The following DYNC1I1 variants were observed in gnomAD, a reference collection of about 807,000 sequenced individuals.
The protein encoded by DYNC1I1 is dynein cytoplasmic 1 intermediate chain 1, also known as cytoplasmic dynein 1 intermediate chain 1.
Under a neutral mutation model 86.6 loss-of-function variants are expected in DYNC1I1, and 43 were observed. The observed-to-expected ratio is 0.50, with a 90% CI of 0.39 to 0.64. The LOEUF is 0.64. Among genes scored for constraint, DYNC1I1 ranks in the 30% least tolerant of loss-of-function variants. The pLI is 0.00. For synonymous variants in DYNC1I1, 262 were observed against 283.7 expected, an observed-to-expected ratio of 0.92 and a Z score of 0.77; for missense variants, 604 against 788.8, an observed-to-expected ratio of 0.77 and a Z score of 2.81.
chr7:95,964,381 C>A lies in DYNC1I1; in HGVS notation c.491-13131C>A, dbSNP rs73708409. 9.1e-3 allele frequency among the ~76,000 whole-genome samples: 1,384 copies of A among 152,230 alleles called. 21 individuals carry two copies. The highest frequency in any genetic ancestry group is 0.031 in the African/African-American group (1,305 of 41,550). On this transcript the variant is annotated intron_variant, in intron 6 of 16. Coordinates refer to ENST00000447467, the MANE Select transcript of DYNC1I1 (RefSeq NM_001135556.2). ...GGTGGGCATGAGGCAGGGGGATGTCCTGATTTCCATCATAGAATCTGCCAT... is the reference window on the plus strand; with the variant it reads ...GGTGGGCATGAGGCAGGGGGATGTCATGATTTCCATCATAGAATCTGCCAT...
intron 6 of DYNC1I1, among the ~76,000 whole-genome samples, chr7:95,900,255 C>G (rs924236445): frequency 3.3e-5 from 5 of 152,164 alleles, no homozygotes; most frequent in African/African-American, 1.2e-4. Flanking sequence ...TTAATTCTTA[C>G]TTCCTTCTTG....
At position 95,843,916 on chromosome 7, in the gene DYNC1I1, G is replaced by A. The variant is rs1009217843; in HGVS notation, c.374+15800G>A. The stretch of plus-strand genomic sequence containing the variant: ...AAGTTAAAGGATCACAGGAGAGAAA[G>A]AACTAATATAGCTTGGAAGTGAATA... On this transcript the variant is annotated intron_variant, in intron 5 of 16. Transcript: ENST00000447467. Among the ~76,000 whole-genome samples the A allele has an allele frequency of 3.9e-5, 6 of 152,286 alleles. No homozygotes were observed. The South Asian group carries it at 6.2e-4, about 16-fold the overall frequency.
intron 14 of DYNC1I1, among the ~76,000 whole-genome samples, chr7:96,068,127 G>C (rs1233988131): frequency 6.6e-6 from 1 of 152,070 alleles, no homozygotes; most frequent in East Asian, 1.9e-4. Flanking sequence ...ATTAATACTA[G>C]ACTATTTTCC....
intron 6 of DYNC1I1, among the ~76,000 whole-genome samples, chr7:95,957,460 G>A (rs1485327554): frequency 6.6e-6 from 1 of 152,080 alleles, no homozygotes; most frequent in Non-Finnish European, 1.5e-5. Flanking sequence ...TCCTCCTGCT[G>A]CTGCTGCTGC....
At chr7:96,085,901 T>G (rs1790665049) in intron 16 of DYNC1I1, among the ~76,000 whole-genome samples, 1 of 152,098 alleles carries the variant, frequency 6.6e-6, no homozygotes, top group Admixed American at 6.5e-5. Context: ...AATTAACTAT[T>G]AATATACCTG....
intron 5 of DYNC1I1, among the ~76,000 whole-genome samples, chr7:95,840,637 G>C (rs1312169467): frequency 6.6e-6 from 1 of 152,102 alleles, no homozygotes; most frequent in Non-Finnish European, 1.5e-5. Context: ...GTTAGTTTCT[G>C]CACATTTTAT....
At chr7:95,806,143 C>T (rs1274684995) in intron 2 of DYNC1I1, among the ~76,000 whole-genome samples, 1 of 151,852 alleles carries the variant, frequency 6.6e-6, no homozygotes, top group Non-Finnish European at 1.5e-5. Context: ...CATGCAAAGT[C>T]AAAAAAAGCA....
At chr7:95,839,537 G>T (rs796912287) in intron 5 of DYNC1I1, among the ~76,000 whole-genome samples, 27 of 152,160 alleles carry the variant, frequency 1.8e-4, no homozygotes, top group African/African-American at 5.5e-4. Flanking sequence ...ACATAATTTA[G>T]TTATAGTCAT....
intron 16 of DYNC1I1, among the ~76,000 whole-genome samples, chr7:96,081,809 A>T (rs565330973): frequency 6.6e-6 from 1 of 152,300 alleles, no homozygotes; most frequent in African/African-American, 2.4e-5. Context: ...GGTATAGTTG[A>T]TTATGTTGGA....
chr7:95,825,180 AC>A (rs1795177958), intron 4 of DYNC1I1, among the ~76,000 whole-genome samples: 4 of 152,004 alleles, frequency 2.6e-5, no homozygotes, highest in Non-Finnish European at 5.9e-5. Context: ...GTAAATGCAA[AC>A]TCCCCAGTAC....
chr7:95,961,026 T>A (rs1392693294), intron 6 of DYNC1I1, among the ~76,000 whole-genome samples: 1 of 152,246 alleles, frequency 6.6e-6, no homozygotes, highest in African/African-American at 2.4e-5. Flanking sequence ...CTTTGTATAA[T>A]CTAATGATGT....
intron 16 of DYNC1I1, among the ~76,000 whole-genome samples, chr7:96,081,386 C>T (rs1054653602): frequency 4.6e-5 from 7 of 150,586 alleles, no homozygotes; most frequent in African/African-American, 7.3e-5. Flanking sequence ...AATTTGCATA[C>T]GATCTTAATT....
rs749647527 is a variant in DYNC1I1 at position 95,984,876 on chromosome 7, C to T, written c.642C>T (p.Leu214=). The T allele has an allele frequency of 5.6e-6, 9 of 1,613,244 alleles. No individual in the cohort carries two copies. Among genetic ancestry groups the T allele is most frequent in the Admixed American group, 1.7e-5 (1 of 59,924 alleles). The change falls in exon 8 of 17, where the codon CTC becomes CTT. Residue 214 remains leucine, a synonymous_variant. Coordinates refer to ENST00000447467, the MANE Select transcript of DYNC1I1 (RefSeq NM_001135556.2). ...AGATCCTTCATTCAGAGGAATTTCT[C>T]ATCTTTTTTGACCGGACAATACGGG... ...KQQILHSEEF[L]IFFDRTIRVI...
chr7:95,959,056 A>G (rs1418695578), intron 6 of DYNC1I1, among the ~76,000 whole-genome samples: 4 of 152,192 alleles, frequency 2.6e-5, no homozygotes, highest in Non-Finnish European at 4.4e-5. Flanking sequence ...AAGGATGAAT[A>G]GGAGTTAAGT....
At chr7:96,038,982 TG>T (rs1246168931) in intron 13 of DYNC1I1, among the ~76,000 whole-genome samples, 2 of 152,228 alleles carry the variant, frequency 1.3e-5, no homozygotes, top group Non-Finnish European at 2.9e-5. Flanking sequence ...GCATCAGCAA[TG>T]ATAGGCTTTG....
At chr7:95,830,294 C>T (rs1158324117) in intron 5 of DYNC1I1, among the ~76,000 whole-genome samples, 1 of 152,044 alleles carries the variant, frequency 6.6e-6, no homozygotes, top group African/African-American at 2.4e-5. Context: ...GAAATTATTA[C>T]CACAATCAAG....
At chr7:95,934,472 C>T (rs1791985614) in intron 6 of DYNC1I1, among the ~76,000 whole-genome samples, 1 of 152,128 alleles carries the variant, frequency 6.6e-6, no homozygotes, top group Non-Finnish European at 1.5e-5. Flanking sequence ...AATACTGAAA[C>T]AACTCATTGA....
intron 6 of DYNC1I1, among the ~76,000 whole-genome samples, chr7:95,962,268 C>T (rs1196776087): frequency 2.6e-5 from 4 of 152,134 alleles, no homozygotes; most frequent in Non-Finnish European, 5.9e-5. Context: ...ATAGCTTACA[C>T]CCTCTTTCTA....
At chr7:95,971,132 G>A (rs760518571) in intron 6 of DYNC1I1, among the ~76,000 whole-genome samples, 28 of 152,148 alleles carry the variant, frequency 1.8e-4, no homozygotes, top group African/African-American at 6.5e-4. Flanking sequence ...AGATGATCAC[G>A]TTGTAATGTC....
Sources: allele counts gnomAD v4.1 joint callset (sites outside exome capture counted in the v4.1 genomes callset), GRCh38; gene constraint gnomAD v4.1.1; transcripts MANE v1.5; gene names NCBI Gene and HGNC (gene_info 2026-07-23, HGNC 2026-07-21).